TENM2: variants seen among roughly 807,000 people sequenced by gnomAD.
The protein encoded by TENM2 is teneurin-2.
A neutral mutation model predicts 245.2 loss-of-function variants in TENM2; 52 were observed. The observed-to-expected ratio is 0.21, with a 90% CI of 0.17 to 0.27. TENM2 has a LOEUF of 0.27. Among genes scored for constraint, TENM2 ranks in the 10% least tolerant of loss-of-function variants. The pLI, the probability that TENM2 is intolerant of heterozygous loss-of-function variation, is 1.00. For synonymous variants in TENM2, 1,363 were observed against 1,438.9 expected (o/e 0.95, Z 1.19); for missense variants, 3,046 against 3,666.8 (o/e 0.83, Z 4.37).
At chr5:167,515,670 T>TATATATACACATATATAC (rs1562019105) in intron 2 of TENM2, among the ~76,000 whole-genome samples, 2 of 32,868 alleles carry the variant, frequency 6.1e-5, no homozygotes, top group South Asian at 2.0e-3. Flanking sequence ...CGTATATATG[T>TATATATACACATATATAC]GTATATATAT....
At chr5:166,980,723 C>G in the TENM2 span, among the ~76,000 whole-genome samples, 1 of 152,108 alleles carries the variant, frequency 6.6e-6, no homozygotes, top group South Asian at 2.1e-4. Context: ...ATAATGGCAG[C>G]TTAAATGGAG....
chr5:168,226,884 A>G (rs749771952), intron 24 of TENM2, among the ~76,000 whole-genome samples: 2 of 152,200 alleles, frequency 1.3e-5, no homozygotes, highest in Non-Finnish European at 2.9e-5. Context: ...ATTAAGATAT[A>G]ATGTCGGTGG....
chr5:167,955,709 A>G (rs146519210), intron 4 of TENM2, among the ~76,000 whole-genome samples: 7,349 of 152,252 alleles, frequency 0.048, 620 homozygotes, highest in African/African-American at 0.17. Flanking sequence ...TTCCAACACC[A>G]TTTATTAAAT....
At chr5:168,167,128 G>T (rs1404926417) in intron 13 of TENM2, among the ~76,000 whole-genome samples, 1 of 152,122 alleles carries the variant, frequency 6.6e-6, no homozygotes, top group Non-Finnish European at 1.5e-5. Flanking sequence ...GAGACTCAAA[G>T]AAATATTTTT....
chr5:167,709,150 C>T (rs1002472430), intron 2 of TENM2, among the ~76,000 whole-genome samples: 1 of 152,190 alleles, frequency 6.6e-6, no homozygotes, highest in African/African-American at 2.4e-5. Context: ...TTCTCCCCCA[C>T]CGCCCCATCT....
intron 5 of TENM2, among the ~76,000 whole-genome samples, chr5:168,018,378 CTT>C (rs60778530): frequency 3.5e-5 from 5 of 143,242 alleles, no homozygotes; most frequent in Middle Eastern, 3.6e-3. Context: ...GTTGTGAGCT[CTT>C]TTTTTTTTTT....
At chr5:167,497,351 C>T (rs567790799) in intron 2 of TENM2, among the ~76,000 whole-genome samples, 1 of 152,230 alleles carries the variant, frequency 6.6e-6, no homozygotes, top group South Asian at 2.1e-4. Flanking sequence ...ATTTCTCAGA[C>T]TCTTTTCATG....
At chr5:167,860,187 T>TGGG (rs1348134886) in intron 2 of TENM2, among the ~76,000 whole-genome samples, 1 of 62,160 alleles carries the variant, frequency 1.6e-5, no homozygotes, top group Non-Finnish European at 3.2e-5. Flanking sequence ...GGGAGGGAGG[T>TGGG]GGGGGGGTCA....
intron 7 of TENM2, among the ~76,000 whole-genome samples, chr5:168,090,203 A>G (rs1792803035): frequency 6.9e-6 from 1 of 145,758 alleles, no homozygotes; most frequent in Non-Finnish European, 1.5e-5. Flanking sequence ...GCAACAGCAT[A>G]TACCACTCCC....
At chr5:167,130,692 T>C in the TENM2 span, among the ~76,000 whole-genome samples, 1,276 of 152,258 alleles carry the variant, frequency 8.4e-3, 17 homozygotes, top group Non-Finnish European at 0.011. Context: ...GTCTAAGTAG[T>C]GACTGGGATT....
At chr5:167,199,414 C>T in the TENM2 span, among the ~76,000 whole-genome samples, 3 of 152,068 alleles carry the variant, frequency 2.0e-5, no homozygotes, top group African/African-American at 7.2e-5. Context: ...AACTTCTTGG[C>T]CATCGTTTGC....
At chr5:167,716,244 T>C (rs1330961427) in intron 2 of TENM2, among the ~76,000 whole-genome samples, 1 of 152,204 alleles carries the variant, frequency 6.6e-6, no homozygotes, top group Non-Finnish European at 1.5e-5. Context: ...TGGAAAACTG[T>C]ATTTTGAAGG....
At position 168,126,168 on chromosome 5, in the gene TENM2, C is replaced by T. The variant is rs79790465; in HGVS notation, c.2210-586C>T. Among the ~76,000 whole-genome samples, 1,192 of 152,270 alleles carry T rather than the reference C, an allele frequency of 7.8e-3. 15 individuals are homozygous for T. Among genetic ancestry groups the T allele is most frequent in the African/African-American group, 0.027 (1,107 of 41,562 alleles). On this transcript the variant is annotated intron_variant, in intron 11 of 28. Transcript: ENST00000518659. The stretch of plus-strand genomic sequence containing the variant: ...GCACAATTACAGCGGTCATTATCAC[C>T]GCCAAGGTACCAATCTGGGTAACGG...
At chr5:167,538,589 A>G (rs1771998915) in intron 2 of TENM2, among the ~76,000 whole-genome samples, 1 of 152,246 alleles carries the variant, frequency 6.6e-6, no homozygotes, top group Non-Finnish European at 1.5e-5. Context: ...TTGGAGCACC[A>G]TGAATTCTAA....
chr5:167,116,208 A>T, the TENM2 span: 1 of 152,224 alleles, frequency 6.6e-6, no homozygotes. Context: ...AAGCTTTCAG[A>T]CCATAATGTA....
chr5:167,361,366 T>C (rs1759706022), intron 1 of TENM2, among the ~76,000 whole-genome samples: 1 of 152,186 alleles, frequency 6.6e-6, no homozygotes, highest in Non-Finnish European at 1.5e-5. Flanking sequence ...CGATTAAGAA[T>C]TTGATTTATA....
chr5:167,756,890 G>A (rs1331203747), intron 2 of TENM2, among the ~76,000 whole-genome samples: 1 of 151,350 alleles, frequency 6.6e-6, no homozygotes, highest in Non-Finnish European at 1.5e-5. Flanking sequence ...GTGACCAGTT[G>A]CAGTTGGCCA....
intron 2 of TENM2, among the ~76,000 whole-genome samples, chr5:167,766,858 G>A (rs1763060340): frequency 1.3e-5 from 2 of 151,930 alleles, no homozygotes; most frequent in African/African-American, 4.8e-5. Context: ...CAGCCTGGGA[G>A]ACAGAGTGAG....
intron 2 of TENM2, among the ~76,000 whole-genome samples, chr5:167,466,322 C>T (rs1766648358): frequency 6.6e-6 from 1 of 152,186 alleles, no homozygotes; most frequent in African/African-American, 2.4e-5. Context: ...CAAACACAGC[C>T]TCACTGCTTC....
Sources: allele counts gnomAD v4.1 joint callset (sites outside exome capture counted in the v4.1 genomes callset), GRCh38; gene constraint gnomAD v4.1.1; transcripts MANE v1.5; gene names NCBI Gene and HGNC (gene_info 2026-07-23, HGNC 2026-07-21).